The following WNK4 variants were observed in gnomAD, a reference collection of about 807,000 sequenced individuals.
WNK4 encodes serine/threonine-protein kinase WNK4.
A neutral mutation model predicts 116.2 loss-of-function variants in WNK4; 94 were observed. The observed-to-expected ratio is 0.81, with a 90% CI of 0.68 to 0.96. The LOEUF is 0.96. Among genes scored for constraint, WNK4 ranks in the 40% least tolerant of loss-of-function variants. The probability of loss-of-function intolerance (pLI) is 0.00; values close to 1 mark genes in which losing one functional copy is unlikely to be tolerated. For synonymous variants in WNK4, 655 were observed against 672.7 expected (o/e 0.97, Z 0.41); for missense variants, 1,542 against 1,650.6 (o/e 0.93, Z 1.14).
intron 11 of WNK4, 131 bp downstream of exon 11, chr17:42,788,928 G>A (rs2054581872): frequency 2.6e-6 from 2 of 782,846 alleles, no homozygotes; most frequent in Non-Finnish European, 4.5e-6. Flanking sequence ...ACTTAGCACA[G>A]TAACGCTGAA....
At position 42,796,222 on chromosome 17, in the gene WNK4, C is replaced by CCCAGCTGCTATGCTGT; in HGVS notation, c.3537_3552dup (p.Arg1185CysfsTer27). ...AGCAGCCCCCACCGGGTATTGTGGC[C>CCCAGCTGCTATGCTGT]CCAGCTGCTATGCTGTCCAGCCGCC... On this transcript the variant is annotated frameshift_variant, in exon 17 of 19. Transcript: ENST00000246914. LOFTEE classifies it high-confidence loss of function. 6.2e-7 allele frequency: 1 copy of CCCAGCTGCTATGCTGT among 1,613,746 alleles called. No individual in the cohort carries two copies. The highest frequency in any genetic ancestry group is 1.3e-5 in the African/African-American group (1 of 75,038).
chr17:42,780,641 C>T lies in WNK4; in HGVS notation c.-58C>T, dbSNP rs1023702090. On this transcript the variant is annotated 5_prime_UTR_variant, in exon 1 of 19. Coordinates refer to ENST00000246914, the MANE Select transcript of WNK4 (RefSeq NM_032387.5). The stretch of plus-strand genomic sequence containing the variant: ...CAGCGCACCCAGCGAGTCCGTCTGT[C>T]AGGCCGCCTCCTCTCCGGCCGTCTG... The T allele has an allele frequency of 8.8e-6, 14 of 1,593,940 alleles. No individual in the cohort carries two copies. Among genetic ancestry groups the T allele is most frequent in the Admixed American group, 1.7e-5 (1 of 59,840 alleles).
chr17:42,784,492 C>T lies in WNK4; in HGVS notation c.1083C>T (p.Phe361=). 6.2e-7 allele frequency: 1 copy of T among 1,613,882 alleles called. No homozygotes were observed. The highest frequency in any genetic ancestry group is 8.5e-7 in the Non-Finnish European group (1 of 1,179,950). ...ATGAGGCCGTGGACGTGTACGCGTTCGGCATGTGCATGCTGGAGATGGCCA... is the reference window on the plus strand; with the variant it reads ...ATGAGGCCGTGGACGTGTACGCGTTTGGCATGTGCATGCTGGAGATGGCCA... ...KYDEAVDVYA[F]GMCMLEMATS... Residue 361 remains phenylalanine, a synonymous_variant, in exon 4 of 19, where the codon TTC becomes TTT. Coordinates refer to ENST00000246914, the MANE Select transcript of WNK4 (RefSeq NM_032387.5). The surrounding 1 kb of genome is among the most constrained non-coding windows in gnomAD (Gnocchi z 4.4).
chr17:42,793,102 T>C (rs956185064), intron 11 of WNK4, among the ~76,000 whole-genome samples: 15 of 152,216 alleles, frequency 9.9e-5, no homozygotes, highest in Non-Finnish European at 2.1e-4. Context: ...CTATGAATGT[T>C]AGCACCTTTC....
Position 42,784,007 on chromosome 17 carries a change from C to T in WNK4, c.862C>T (p.Leu288Phe). Residue 288 changes from leucine to phenylalanine, a missense_variant, in exon 3 of 19, where the codon CTT (leucine) becomes TTT (phenylalanine). Physicochemically the swap from Leu to Phe is conservative, Grantham distance 22 (BLOSUM62 0). Transcript: ENST00000246914. This position sits in a 1 kb window ranked among gnomAD's most constrained non-coding sequence, Gnocchi z 4.4. Reference protein sequence around the residue: ...QRWSRQILRGLHFLHSRVPPI... With the variant: ...QRWSRQILRGFHFLHSRVPPI... Reference sequence around the variant, plus strand: ...CTGGAGCCGCCAAATCCTGCGGGGACTTCATTTCCTACACTCCCGGGTTCC... The same window carrying T: ...CTGGAGCCGCCAAATCCTGCGGGGATTTCATTTCCTACACTCCCGGGTTCC... The T allele has an allele frequency of 1.2e-6, 2 of 1,614,102 alleles. No individual in the cohort carries two copies. Among genetic ancestry groups the T allele is most frequent in the Non-Finnish European group, 8.5e-7 (1 of 1,180,032 alleles).
chr17:42,791,456 T>C (rs887552919), intron 11 of WNK4, among the ~76,000 whole-genome samples: 2 of 151,740 alleles, frequency 1.3e-5, no homozygotes, highest in Non-Finnish European at 2.9e-5. Context: ...CTGACCAACA[T>C]GGAGAAACCC....
At chr17:42,794,140 C>T in intron 12 of WNK4, 1 of 324,726 alleles carries the variant, frequency 3.1e-6, no homozygotes. Context: ...AGGTGTGAGC[C>T]ACCGTGCCTG....
chr17:42,793,007 T>C (rs527932532), intron 11 of WNK4, among the ~76,000 whole-genome samples: 4 of 152,316 alleles, frequency 2.6e-5, no homozygotes, highest in East Asian at 3.9e-4. Context: ...AATTCTACCA[T>C]AGCAATATTA....
chr17:42,785,547 C>G, intron 6 of WNK4, 65 bp downstream of exon 6: 2 of 1,508,490 alleles, frequency 1.3e-6, no homozygotes, highest in Non-Finnish European at 9.0e-7. Flanking sequence ...GGGGACAGTG[C>G]AACAGGGATG....
intron 2 of WNK4, 81 bp downstream of exon 2, chr17:42,783,011 ACT>A: frequency 6.5e-7 from 1 of 1,541,096 alleles, no homozygotes; most frequent in Non-Finnish European, 8.8e-7. Flanking sequence ...GGCTCCTCAA[ACT>A]CTCTAATATC....
At chr17:42,783,744 G>A (rs2054509448) in intron 2 of WNK4, 193 bp from the exon 3 acceptor site, 8 of 623,668 alleles carry the variant, frequency 1.3e-5, no homozygotes, top group South Asian at 1.1e-4. Context: ...AACCCGTTTG[G>A]TAACGTCATG....
chr17:42,786,918 G>T (rs1403820138), intron 6 of WNK4, among the ~76,000 whole-genome samples: 1 of 152,148 alleles, frequency 6.6e-6, no homozygotes, highest in Non-Finnish European at 1.5e-5. Flanking sequence ...ATGTTGAGAA[G>T]AACCCCTGGC....
Position 42,795,032 on chromosome 17 carries a change from G to A in WNK4, c.2611G>A (p.Glu871Lys), listed in dbSNP as rs777254031. 19 of 1,600,838 alleles carry A rather than the reference G, an allele frequency of 1.2e-5. No individual in the cohort carries two copies. Among genetic ancestry groups the A allele is most frequent in the Middle Eastern group, 1.7e-4 (1 of 6,030 alleles). ...SPLPFSSSTPEFPVPLSQCPW... is the reference protein window; with the variant it reads ...SPLPFSSSTPKFPVPLSQCPW... The stretch of plus-strand genomic sequence containing the variant: ...ACTTCCATTCTCCTCCAGCACACCC[G>A]AGTTTCCGGTCCCACTCTCTCAGTG... Residue 871 changes from glutamate (E) to lysine (K), a missense_variant, in exon 14 of 19, where the codon GAG (glutamate) becomes AAG (lysine). Glu to Lys is a moderately conservative substitution (Grantham distance 56). Coordinates refer to ENST00000246914, the MANE Select transcript of WNK4 (RefSeq NM_032387.5).
rs142408146 is a variant in WNK4, at chr17:42,782,070, C to T, written c.619-688C>T. ...CAGTCAACTTGGGGCCTGAAGCTTCCGATTCAGATCAGGGGACAGAGCCTA... is the reference window on the plus strand; with the variant it reads ...CAGTCAACTTGGGGCCTGAAGCTTCTGATTCAGATCAGGGGACAGAGCCTA... On this transcript the variant is annotated intron_variant, in intron 1 of 18. Coordinates refer to ENST00000246914, the MANE Select transcript of WNK4 (RefSeq NM_032387.5). The surrounding 1 kb of genome is among the most constrained non-coding windows in gnomAD (Gnocchi z 4.2). Among the ~76,000 whole-genome samples the T allele has an allele frequency of 5.9e-5, 9 of 152,320 alleles. No homozygotes were observed. The East Asian group carries it at 1.2e-3, about 20-fold the overall frequency.
chr17:42,781,907 C>T (rs1329834534), intron 1 of WNK4, among the ~76,000 whole-genome samples: 1 of 152,218 alleles, frequency 6.6e-6, no homozygotes, highest in Non-Finnish European at 1.5e-5. Context: ...AGCTCCAGCT[C>T]TCGAGTGAGT....
chr17:42,784,489 G>T lies in WNK4; in HGVS notation c.1080G>T (p.Ala360=), dbSNP rs748879947. 32 of 1,613,866 alleles carry T rather than the reference G, an allele frequency of 2.0e-5. No individual in the cohort carries two copies. The Admixed American group carries it at 3.0e-4, about 15-fold the overall frequency. ...ACGATGAGGCCGTGGACGTGTACGC[G>T]TTCGGCATGTGCATGCTGGAGATGG... ...EKYDEAVDVY[A]FGMCMLEMAT... The change falls in exon 4 of 19, where the codon GCG becomes GCT. Residue 360 remains alanine, a synonymous_variant. Transcript: ENST00000246914. This position sits in a 1 kb window ranked among gnomAD's most constrained non-coding sequence, Gnocchi z 4.4.
Position 42,795,092 on chromosome 17 carries a change from A to C in WNK4, c.2671A>C (p.Thr891Pro). 1 of 1,613,004 alleles carries C rather than the reference A, an allele frequency of 6.2e-7. No individual in the cohort carries two copies. Among genetic ancestry groups the C allele is most frequent in the Non-Finnish European group, 8.5e-7 (1 of 1,179,700 alleles). ...TTCTCTCCCCACGACTTCTCCACCT[A>C]CGTTCTCTCCCACTTGTTCTCAGGT... Reference protein sequence around the residue: ...WSSLPTTSPPTFSPTCSQVTL... With the variant: ...WSSLPTTSPPPFSPTCSQVTL... Residue 891 changes from threonine to proline, a missense_variant, in exon 14 of 19, where the codon ACG becomes CCG. Thr to Pro is a conservative substitution (Grantham distance 38). This residue lies in a region of WNK4 where 292 missense variants were observed against 290.1 expected (regional missense o/e 1.01). Transcript: ENST00000246914.
Position 42,795,799 on chromosome 17 carries a change from C to G in WNK4, c.3197C>G (p.Thr1066Ser). The G allele has an allele frequency of 6.2e-7, 1 of 1,613,826 alleles. No homozygotes were observed. The highest frequency in any genetic ancestry group is 8.5e-7 in the Non-Finnish European group (1 of 1,180,010). ...GACAGTGCTGGAGGCGGGCCAGAGA[C>G]CAGGGAAGCTCTGGCTGAGAGCGAC... The part of the protein sequence containing the change: ...TEDSAGGGPE[T>S]REALAESDRA... The change falls in exon 16 of 19, where the codon ACC (threonine) becomes AGC (serine). Residue 1066 changes from threonine to serine, a missense_variant. By Grantham distance (58) the Thr-to-Ser change is moderately conservative (BLOSUM62 1). This residue lies in a region of WNK4 where 292 missense variants were observed against 290.1 expected (regional missense o/e 1.01). Transcript: ENST00000246914.
At position 42,796,254 on chromosome 17, in the gene WNK4, G is replaced by A. The variant is rs745678782; in HGVS notation, c.3563G>A (p.Arg1188His). 1.2e-6 allele frequency: 2 copies of A among 1,611,244 alleles called. No individual in the cohort carries two copies. Among genetic ancestry groups the A allele is most frequent in the East Asian group, 2.2e-5 (1 of 44,744 alleles). The change falls in exon 17 of 19, where the codon CGC becomes CAC. Residue 1188 changes from arginine to histidine, a missense_variant. Around this residue, in one of 7 missense-constraint regions of WNK4, gnomAD observed 148 missense variants for 157.2 expected, o/e 0.94. Transcript: ENST00000246914. ...PAAMLSSRQRRLSKGSFPTSR... is the reference protein window; with the variant it reads ...PAAMLSSRQRHLSKGSFPTSR... Reference sequence around the variant, plus strand: ...GCTATGCTGTCCAGCCGCCAGCGCCGCCTCTCCAAGGGCAGCTTCCCCACC... The same window carrying A: ...GCTATGCTGTCCAGCCGCCAGCGCCACCTCTCCAAGGGCAGCTTCCCCACC...
Sources: gnomAD v4.1 joint callset for allele counts (sites outside exome capture counted in the v4.1 genomes callset) on GRCh38, gnomAD v4.1.1 for gene constraint, gnomAD v4.1.1 regional missense constraint, Gnocchi (gnomAD v3.1) non-coding constraint, MANE v1.5 for transcripts, NCBI Gene and HGNC (gene_info 2026-07-23, HGNC 2026-07-21) for gene names.